The following SLA2 variants were observed in gnomAD, a reference collection of about 807,000 sequenced individuals.
The protein encoded by SLA2 is Src like adaptor 2, also known as src-like-adapter 2.
A neutral mutation model predicts 27.3 loss-of-function variants in SLA2; 22 were observed. The observed-to-expected ratio is 0.81, with a 90% CI of 0.58 to 1.15. The LOEUF (loss-of-function observed/expected upper bound fraction) is 1.15. SLA2 is among the 50% of genes most tolerant of loss of function. SLA2 has a pLI of 0.00. For missense variants in SLA2, 304 were observed against 322.2 expected, an observed-to-expected ratio of 0.94 and a Z score of 0.43; for synonymous variants, 131 against 137.8, an observed-to-expected ratio of 0.95 and a Z score of 0.34.
chr20:36,637,847 T>TC (rs1455786339), intron 2 of SLA2, among the ~76,000 whole-genome samples: 6 of 150,422 alleles, frequency 4.0e-5, no homozygotes, highest in Admixed American at 3.3e-4. Flanking sequence ...CAGGTTGATC[T>TC]CGAACTCTTG....
intron 5 of SLA2, among the ~76,000 whole-genome samples, chr20:36,617,592 T>A (rs2039229390): frequency 6.7e-6 from 1 of 149,576 alleles, no homozygotes; most frequent in Non-Finnish European, 1.5e-5. Flanking sequence ...GCGCGGTGGC[T>A]CACGCCTATA....
At chr20:36,634,785 CAG>C (rs113633781) in intron 2 of SLA2, among the ~76,000 whole-genome samples, 196 bp from the exon 3 acceptor site, 248 of 146,024 alleles carry the variant, frequency 1.7e-3, no homozygotes, top group Non-Finnish European at 1.6e-3. Flanking sequence ...TGACAGTGCC[CAG>C]AGAGAGAGAG....
chr20:36,627,925 A>G (rs1485005558), intron 5 of SLA2, among the ~76,000 whole-genome samples: 2 of 152,234 alleles, frequency 1.3e-5, no homozygotes, highest in Non-Finnish European at 2.9e-5. Context: ...CTTTGGGCCA[A>G]TGAAAAGCTG....
Position 36,613,694 on chromosome 20 carries a change from A to G in SLA2, c.*172T>C. 1 of 706,918 alleles carries G rather than the reference A, an allele frequency of 1.4e-6. No homozygotes were observed. The highest frequency in any genetic ancestry group is 2.2e-6 in the Non-Finnish European group (1 of 448,894). The allele number at this position is 706,918 out of a possible 1,614,324, so 43.8% of individuals were successfully genotyped here. A position where few individuals can be genotyped will look rare whatever the true frequency, so the allele number is the denominator to read the frequency against. Reference sequence around the variant, plus strand: ...TCATGGCACTGGAAGGAAGTAGGTGACTTCTAAGGGCTAAGAGAGGAAAGA... The same window carrying G: ...TCATGGCACTGGAAGGAAGTAGGTGGCTTCTAAGGGCTAAGAGAGGAAAGA... On this transcript the variant is annotated 3_prime_UTR_variant, in exon 8 of 8. Transcript: ENST00000262866.
At chr20:36,621,461 G>C (rs905696125) in intron 5 of SLA2, 1 of 430,188 alleles carries the variant, frequency 2.3e-6, no homozygotes, top group Non-Finnish European at 4.5e-6. Context: ...TTTTTTTTTT[G>C]AGACGGAGTC....
Position 36,633,563 on chromosome 20 carries a change from G to A in SLA2, c.258C>T (p.His86=), listed in dbSNP as rs774530167. 14 of 1,614,050 alleles carry A rather than the reference G, an allele frequency of 8.7e-6. No homozygotes were observed. Among genetic ancestry groups the A allele is most frequent in the East Asian group, 2.2e-5 (1 of 44,862 alleles). The change falls in exon 4 of 8, where the codon CAC becomes CAT. Residue 86 remains histidine (H), a synonymous_variant. Transcript: ENST00000262866. Reference sequence around the variant, plus strand: ...CTCACCCATGGGAGACTTTGGCCACGTGGACGCTGGGGATGTTATACTCTC... The same window carrying A: ...CTCACCCATGGGAGACTTTGGCCACATGGACGCTGGGGATGTTATACTCTC... ...SGREYNIPSV[H]VAKVSHGWLY...
intron 5 of SLA2, among the ~76,000 whole-genome samples, chr20:36,629,916 G>A (rs1040504689): frequency 3.3e-5 from 5 of 150,564 alleles, no homozygotes; most frequent in Admixed American, 1.3e-4. Flanking sequence ...CAGCCTGGGC[G>A]ACACAGTGAG....
chr20:36,639,222 G>A (rs2039481865), intron 2 of SLA2, among the ~76,000 whole-genome samples: 1 of 152,160 alleles, frequency 6.6e-6, no homozygotes, highest in Non-Finnish European at 1.5e-5. Flanking sequence ...GCAATCAGTT[G>A]AAGGTCTTAA....
chr20:36,615,115 C>G (rs761397827), intron 6 of SLA2, 110 bp downstream of exon 6: 72 of 1,531,064 alleles, frequency 4.7e-5, no homozygotes, highest in Non-Finnish European at 6.1e-5. Flanking sequence ...GGAGGCCGCT[C>G]TTCTGTCTGT....
At position 36,636,834 on chromosome 20, in the gene SLA2, C is replaced by T. The variant is rs373928564; in HGVS notation, c.92-2245G>A. Among the ~76,000 whole-genome samples, 12 of 151,408 alleles carry T rather than the reference C, an allele frequency of 7.9e-5. No homozygotes were observed. In the South Asian group the frequency reaches 2.5e-3, roughly 32 times the overall value. ...TTGGTGGTGGCACGTCCCTGTAATC[C>T]CAGCTACTTAGGAGGCTGAGACAGG... On this transcript the variant is annotated intron_variant, in intron 2 of 7. Coordinates refer to ENST00000262866, the MANE Select transcript of SLA2 (RefSeq NM_032214.4).
chr20:36,631,748 C>T (rs1389047516), intron 5 of SLA2, among the ~76,000 whole-genome samples: 1 of 152,208 alleles, frequency 6.6e-6, no homozygotes, highest in Non-Finnish European at 1.5e-5. Flanking sequence ...GGCCACCTCA[C>T]TCAGCAGAGA....
intron 5 of SLA2, among the ~76,000 whole-genome samples, chr20:36,616,210 C>T (rs946119092): frequency 6.6e-6 from 1 of 151,638 alleles, no homozygotes. Context: ...CAAGTGGGCG[C>T]GTGGATGTCA....
intron 2 of SLA2, among the ~76,000 whole-genome samples, chr20:36,636,427 C>CAAA (rs71186007): frequency 8.1e-5 from 5 of 61,408 alleles, no homozygotes; most frequent in Non-Finnish European, 8.9e-5. Flanking sequence ...GACTCCGTCT[C>CAAA]AAAAAAAAAA....
At position 36,633,557 on chromosome 20, in the gene SLA2, G is replaced by A. The variant is rs267605914; in HGVS notation, c.264C>T (p.Ala88=). 6.2e-7 allele frequency: 1 copy of A among 1,614,030 alleles called. No homozygotes were observed. The highest frequency in any genetic ancestry group is 8.5e-7 in the Non-Finnish European group (1 of 1,179,936). ...REYNIPSVHV[A]KVSHGWLYEG... ...TGGGAACTCACCCATGGGAGACTTT[G>A]GCCACGTGGACGCTGGGGATGTTAT... The change falls in exon 4 of 8, where the codon GCC becomes GCT. Residue 88 remains alanine (A), a synonymous_variant. Coordinates refer to ENST00000262866, the MANE Select transcript of SLA2 (RefSeq NM_032214.4).
At chr20:36,629,634 C>A (rs1018927339) in intron 5 of SLA2, among the ~76,000 whole-genome samples, 5 of 152,032 alleles carry the variant, frequency 3.3e-5, no homozygotes, top group African/African-American at 1.2e-4. Context: ...ATTAGTTGGG[C>A]ATGGTGGCAT....
intron 5 of SLA2, among the ~76,000 whole-genome samples, chr20:36,630,356 G>A (rs1462754112): frequency 2.6e-5 from 4 of 152,224 alleles, no homozygotes; most frequent in Non-Finnish European, 5.9e-5. Context: ...GCTGGAAAGG[G>A]TCCTGGGAGG....
chr20:36,637,265 C>T (rs1255136893), intron 2 of SLA2, among the ~76,000 whole-genome samples: 1 of 129,758 alleles, frequency 7.7e-6, no homozygotes, highest in Non-Finnish European at 1.5e-5. Flanking sequence ...TGCAGTGGTG[C>T]GATCTTGGCT....
intron 1 of SLA2, 92 bp from the exon 2 acceptor site, chr20:36,641,470 C>A: frequency 1.5e-6 from 1 of 670,272 alleles, no homozygotes. Flanking sequence ...GCTACCTCCT[C>A]ACAGAGCATG....
chr20:36,636,623 A>AAAAATATATAT (rs1387991352), intron 2 of SLA2, among the ~76,000 whole-genome samples: 3 of 114,686 alleles, frequency 2.6e-5, no homozygotes, highest in African/African-American at 8.0e-5. Context: ...AAAAAAAAAA[A>AAAAATATATAT]ATATATATAT....
Sources: allele counts gnomAD v4.1 joint callset (sites outside exome capture counted in the v4.1 genomes callset), GRCh38; gene constraint gnomAD v4.1.1; transcripts MANE v1.5; gene names NCBI Gene and HGNC (gene_info 2026-07-23, HGNC 2026-07-21).